DNAH11: variants seen among roughly 807,000 people sequenced by gnomAD.
The protein encoded by DNAH11 is axonemal beta dynein heavy chain 11.
A neutral mutation model predicts 526.0 loss-of-function variants in DNAH11; 442 were observed. The observed-to-expected ratio is 0.84, with a 90% CI of 0.78 to 0.91. The LOEUF is 0.91. Among genes scored for constraint, DNAH11 ranks in the 40% least tolerant of loss-of-function variants. The pLI is 0.00. For synonymous variants in DNAH11, 2,461 were observed against 1,935.9 expected, an observed-to-expected ratio of 1.27 and a Z score of -7.12; for missense variants, 6,989 against 5,448.7, an observed-to-expected ratio of 1.28 and a Z score of -8.90.
At chr7:21,639,628 CAG>C (rs1270723445) in intron 28 of DNAH11, among the ~76,000 whole-genome samples, 2 of 152,162 alleles carry the variant, frequency 1.3e-5, no homozygotes, top group Non-Finnish European at 2.9e-5. Context: ...CAAATAAAAA[CAG>C]ATACTATCTT....
At chr7:21,778,187 A>T (rs1156568105) in intron 56 of DNAH11, among the ~76,000 whole-genome samples, 1 of 152,152 alleles carries the variant, frequency 6.6e-6, no homozygotes, top group Non-Finnish European at 1.5e-5. Flanking sequence ...TAACTGAAAA[A>T]AATGGACAGT....
chr7:21,674,779 C>G (rs984454855), intron 30 of DNAH11, among the ~76,000 whole-genome samples: 1 of 152,034 alleles, frequency 6.6e-6, no homozygotes, highest in Admixed American at 6.6e-5. Flanking sequence ...TCACTGAAGT[C>G]TCACACGCAC....
rs1403467638 is a variant in DNAH11, at chr7:21,606,688, C to A, written c.3807C>A (p.Ala1269=). ...TCAGAGAGAGATTCAGACACTATGC[C>A]CCTCTTGGATTTAATGCAGAAAATC... ...AEFRERFRHY[A]PLGFNAENPY... Residue 1269 remains alanine (A), a synonymous_variant, in exon 20 of 82, where the codon GCC becomes GCA. Coordinates refer to ENST00000409508, the MANE Select transcript of DNAH11 (RefSeq NM_001277115.2). 8 of 1,609,378 alleles carry A rather than the reference C, an allele frequency of 5.0e-6. No homozygotes were observed. Among genetic ancestry groups the A allele is most frequent in the Non-Finnish European group, 6.8e-6 (8 of 1,178,820 alleles).
chr7:21,678,383 T>C lies in DNAH11; in HGVS notation c.5329-3163T>C, dbSNP rs113481172. Among the ~76,000 whole-genome samples, 797 of 152,228 alleles carry C rather than the reference T, an allele frequency of 5.2e-3. 4 individuals carry two copies. Among genetic ancestry groups the C allele is most frequent in the African/African-American group, 0.018 (759 of 41,548 alleles). On this transcript the variant is annotated intron_variant, in intron 30 of 81. Transcript: ENST00000409508. ...AAAATCAGTTGAAAAATTTATTTTT[T>C]AACTCTCTATTCTGTTCCACTGGTC...
rs758324651 is a variant in DNAH11, at chr7:21,704,509, G to A, written c.6349G>A (p.Val2117Ile). The change falls in exon 38 of 82, where the codon GTC becomes ATC. Residue 2117 changes from valine (V) to isoleucine (I), a missense_variant. Coordinates refer to ENST00000409508, the MANE Select transcript of DNAH11 (RefSeq NM_001277115.2). ...CGACATCCCAGTGTTTCTGGGCCTGGTCGGTGACCTGTTTCCAGCCCTGGA... is the reference window on the plus strand; with the variant it reads ...CGACATCCCAGTGTTTCTGGGCCTGATCGGTGACCTGTTTCCAGCCCTGGA... ...TDDIPVFLGL[V>I]GDLFPALDVP... 6.2e-7 allele frequency: 1 copy of A among 1,613,836 alleles called. No homozygotes were observed. The highest frequency in any genetic ancestry group is 8.5e-7 in the Non-Finnish European group (1 of 1,179,854).
chr7:21,565,130 T>G (rs1292967066), intron 6 of DNAH11, among the ~76,000 whole-genome samples: 3 of 152,148 alleles, frequency 2.0e-5, no homozygotes, highest in East Asian at 1.9e-4. Flanking sequence ...CATCAGAAAT[T>G]TATTTTCTCA....
chr7:21,788,188 A>G (rs1436186654), intron 60 of DNAH11, among the ~76,000 whole-genome samples: 4 of 152,220 alleles, frequency 2.6e-5, no homozygotes, highest in Non-Finnish European at 4.4e-5. Context: ...TAAGGGAACA[A>G]TGCATGGCTC....
intron 76 of DNAH11, among the ~76,000 whole-genome samples, chr7:21,887,122 T>C (rs1171869982): frequency 1.3e-5 from 2 of 152,226 alleles, no homozygotes; most frequent in African/African-American, 2.4e-5. Flanking sequence ...TTTGGTTGCA[T>C]TGGAACATGA....
chr7:21,701,501 G>C (rs1784059485), intron 36 of DNAH11, among the ~76,000 whole-genome samples: 1 of 151,982 alleles, frequency 6.6e-6, no homozygotes, highest in Non-Finnish European at 1.5e-5. Context: ...TGTTGCCCAG[G>C]CTGGTCTGGA....
chr7:21,866,626 A>C lies in DNAH11; in HGVS notation c.11653A>C (p.Arg3885=). The change falls in exon 71 of 82, where the codon AGA becomes CGA. Residue 3885 remains arginine (R), a synonymous_variant. Coordinates refer to ENST00000409508, the MANE Select transcript of DNAH11 (RefSeq NM_001277115.2). ...TTTAATACAGAAGCTGATTCTTCTG[A>C]GAGCAATGCGCCCTGACAGAATGAC... ...KSLIQKLILL[R]AMRPDRMTYA... 6.2e-7 allele frequency: 1 copy of C among 1,613,868 alleles called. No individual in the cohort carries two copies. Among genetic ancestry groups the C allele is most frequent in the Non-Finnish European group, 8.5e-7 (1 of 1,179,808 alleles).
At chr7:21,764,043 A>G (rs533779874) in intron 54 of DNAH11, among the ~76,000 whole-genome samples, 5 of 152,140 alleles carry the variant, frequency 3.3e-5, no homozygotes, top group African/African-American at 1.2e-4. Context: ...AGGGAGGGGA[A>G]ATAGAGAGTT....
intron 62 of DNAH11, among the ~76,000 whole-genome samples, chr7:21,805,495 C>G (rs918401508): frequency 6.6e-6 from 1 of 152,098 alleles, no homozygotes; most frequent in South Asian, 2.1e-4. Flanking sequence ...TGAAGACTTG[C>G]TCTTCTTAGG....
intron 28 of DNAH11, among the ~76,000 whole-genome samples, chr7:21,645,453 T>C (rs1468037532): frequency 1.3e-5 from 2 of 152,200 alleles, no homozygotes; most frequent in African/African-American, 4.8e-5. Flanking sequence ...GTGCTGCTTT[T>C]CTCCTCGAGA....
intron 28 of DNAH11, among the ~76,000 whole-genome samples, chr7:21,645,990 T>G (rs1412937585): frequency 6.6e-6 from 1 of 152,174 alleles, no homozygotes; most frequent in African/African-American, 2.4e-5. Context: ...CAAAAGATGC[T>G]CTTAAGAGAA....
chr7:21,619,041 G>A (rs985377655), intron 23 of DNAH11, 59 bp from the exon 24 acceptor site: 2 of 1,604,218 alleles, frequency 1.2e-6, no homozygotes, highest in Non-Finnish European at 1.7e-6. Context: ...CAGCCTTTAG[G>A]CAAAAGGAAC....
chr7:21,819,223 C>T lies in DNAH11; in HGVS notation c.10691+884C>T, dbSNP rs138723733. Among the ~76,000 whole-genome samples the T allele has an allele frequency of 2.3e-3, 357 of 152,156 alleles. 1 individual carries two copies. Among genetic ancestry groups the T allele is most frequent in the African/African-American group, 8.1e-3 (338 of 41,522 alleles). ...CTTCCCCCACCCTGTTCTTTCTTAACGCCCACGCTCTGCCTCTAAGGTATC... is the reference window on the plus strand; with the variant it reads ...CTTCCCCCACCCTGTTCTTTCTTAATGCCCACGCTCTGCCTCTAAGGTATC... On this transcript the variant is annotated intron_variant, in intron 65 of 81. Transcript: ENST00000409508.
chr7:21,752,776 G>T, intron 54 of DNAH11, among the ~76,000 whole-genome samples: 1 of 152,076 alleles, frequency 6.6e-6, no homozygotes, highest in East Asian at 1.9e-4. Flanking sequence ...GCAATGGCAT[G>T]ATCTGAGCTC....
chr7:21,675,012 G>A (rs1469950283), intron 30 of DNAH11, among the ~76,000 whole-genome samples: 2 of 152,122 alleles, frequency 1.3e-5, no homozygotes, highest in African/African-American at 2.4e-5. Context: ...CTTTGATAAT[G>A]TCCTAGACCA....
chr7:21,731,037 G>T (rs1279286738), intron 45 of DNAH11, among the ~76,000 whole-genome samples: 1 of 151,958 alleles, frequency 6.6e-6, no homozygotes, highest in Non-Finnish European at 1.5e-5. Flanking sequence ...CCAGCTACTC[G>T]GGAGGCTGAG....
Sources: allele counts gnomAD v4.1 joint callset (sites outside exome capture counted in the v4.1 genomes callset), GRCh38; gene constraint gnomAD v4.1.1; transcripts MANE v1.5; gene names NCBI Gene and HGNC (gene_info 2026-07-23, HGNC 2026-07-21).